POTEE: variants seen among roughly 807,000 people sequenced by gnomAD.
The protein encoded by POTEE is ANKRD26-like family C member 1A.
Under a neutral mutation model 74.2 loss-of-function variants are expected in POTEE, and 21 were observed. The ratio of observed to expected loss-of-function variants is 0.28; its 90% CI spans 0.20 to 0.41. The LOEUF (loss-of-function observed/expected upper bound fraction) is 0.41, where lower values mean the gene tolerates loss of function less well. POTEE is among the 10% of genes least tolerant of loss of function. The pLI, the probability that POTEE is intolerant of heterozygous loss-of-function variation, is 1.00. For missense variants in POTEE, 525 were observed against 1,158.6 expected, an observed-to-expected ratio of 0.45 and a Z score of 7.94; for synonymous variants, 211 against 432.8, an observed-to-expected ratio of 0.49 and a Z score of 6.36.
chr2:131,227,382 T>C (rs1361534014), intron 7 of POTEE, among the ~76,000 whole-genome samples: 1 of 148,398 alleles, frequency 6.7e-6, no homozygotes, highest in South Asian at 2.1e-4. Context: ...TAAGTTGCTT[T>C]CTTTGAAGAA....
intron 4 of POTEE, among the ~76,000 whole-genome samples, chr2:131,220,570 A>G (rs1232616164): frequency 1.3e-5 from 2 of 152,106 alleles, no homozygotes; most frequent in Non-Finnish European, 2.9e-5. Flanking sequence ...TTGCATATCT[A>G]CCAGTGACCT....
intron 9 of POTEE, among the ~76,000 whole-genome samples, 167 bp from the exon 10 acceptor site, chr2:131,236,565 T>G (rs1352680908): frequency 6.6e-6 from 1 of 151,654 alleles, no homozygotes; most frequent in Non-Finnish European, 1.5e-5. Context: ...TCTCCCCAAG[T>G]GGTTTGTTGA....
intron 4 of POTEE, among the ~76,000 whole-genome samples, chr2:131,220,601 C>T (rs893769629): frequency 1.1e-4 from 17 of 152,046 alleles, no homozygotes; most frequent in African/African-American, 3.9e-4. Context: ...GAAAAGATAG[C>T]GTTCCTGGTA....
intron 10 of POTEE, among the ~76,000 whole-genome samples, chr2:131,237,825 A>G (rs1472045961): frequency 1.3e-5 from 2 of 152,296 alleles, no homozygotes; most frequent in Non-Finnish European, 2.9e-5. Context: ...TTGGAACACT[A>G]CAAATCATCT....
Position 131,218,620 on chromosome 2 carries a change from G to C in POTEE, c.218G>C (p.Arg73Thr), listed in dbSNP as rs200372856. Residue 73 changes from arginine (R) to threonine (T), a missense_variant, in exon 4 of 18, where the codon AGG becomes ACG. Arg to Thr is a moderately conservative substitution (Grantham distance 71, BLOSUM62 -1). Coordinates refer to ENST00000683005, the MANE Select transcript of POTEE (RefSeq NM_001083538.3). ...TGCCACCACTGCTTCCCCTGCTGCA[G>C]GGGGAGTGGCAAGAGCAACGTGGGC... is the stretch of plus-strand genomic sequence containing the variant. ...KWCHHCFPCCRGSGKSNVGAS... is the reference protein window; with the variant it reads ...KWCHHCFPCCTGSGKSNVGAS... The C allele has an allele frequency of 4.5e-4, 729 of 1,612,032 alleles. 5 individuals carry two copies. In the African/African-American group the frequency reaches 8.7e-3, roughly 19 times the overall value.
intron 6 of POTEE, among the ~76,000 whole-genome samples, chr2:131,225,403 A>G (rs1700750755): frequency 6.6e-6 from 1 of 151,750 alleles, no homozygotes; most frequent in Non-Finnish European, 1.5e-5. Context: ...CAACGACAAC[A>G]ACAACAATTT....
intron 10 of POTEE, among the ~76,000 whole-genome samples, chr2:131,237,798 T>G (rs1288763642): frequency 1.3e-5 from 2 of 152,288 alleles, no homozygotes; most frequent in Non-Finnish European, 2.9e-5. Flanking sequence ...GTAAACTCTT[T>G]TCAAGTGAGG....
At chr2:131,222,799 T>C (rs1700663949) in intron 4 of POTEE, among the ~76,000 whole-genome samples, 1 of 152,130 alleles carries the variant, frequency 6.6e-6, no homozygotes, top group South Asian at 2.1e-4. Context: ...AGAAATTTGT[T>C]TTTGTTTTCA....
intron 12 of POTEE, among the ~76,000 whole-genome samples, chr2:131,243,868 A>T (rs1701307061): frequency 1.5e-4 from 1 of 6,738 alleles, no homozygotes; most frequent in South Asian, 0.01. Flanking sequence ...ACTCCGTCTC[A>T]AAAAAAAAAA....
At chr2:131,221,421 T>C (rs1573701115) in intron 4 of POTEE, among the ~76,000 whole-genome samples, 1 of 152,276 alleles carries the variant, frequency 6.6e-6, no homozygotes. Context: ...GTAGAAAATA[T>C]AATCAAACTT....
rs1435955430 is a variant in POTEE, at chr2:131,209,693, G to A, written c.-471G>A. Among the ~76,000 whole-genome samples, 2 of 152,276 alleles carry A rather than the reference G, an allele frequency of 1.3e-5. No homozygotes were observed. The highest frequency in any genetic ancestry group is 2.9e-5 in the Non-Finnish European group (2 of 68,052). ...CTTCTCCTGCCAGGCAGGAAGACGA[G>A]TAGAAGGGAGCAGCACCGACGCATG... On this transcript the variant is annotated 5_prime_UTR_variant, in exon 1 of 18. Coordinates refer to ENST00000683005, the MANE Select transcript of POTEE (RefSeq NM_001083538.3).
chr2:131,210,614 C>T (rs984583132), intron 1 of POTEE, among the ~76,000 whole-genome samples: 5 of 151,940 alleles, frequency 3.3e-5, no homozygotes, highest in African/African-American at 4.8e-5. Context: ...CCGGCCTGCA[C>T]CTCCCGCCCA....
In POTEE at chr2:131,218,197, G is replaced by A. The variant is rs910258913; in HGVS notation, c.-93-113G>A. The A allele has an allele frequency of 3.2e-6, 3 of 946,318 alleles. No individual in the cohort carries two copies. The African/African-American group carries it at 5.0e-5, about 16-fold the overall frequency. The allele number at this position is 946,318 out of a possible 1,614,324, so 58.6% of individuals were successfully genotyped here. A position where few individuals can be genotyped will look rare whatever the true frequency, so the allele number is the denominator to read the frequency against. On this transcript the variant is annotated intron_variant, in intron 3 of 17. Transcript: ENST00000683005. ...GTGGGCGTGGGGTCGCCCAGGGGGGGCGTGGGCTTTCCTCGGGTGGGTGTG... is the reference window on the plus strand; with the variant it reads ...GTGGGCGTGGGGTCGCCCAGGGGGGACGTGGGCTTTCCTCGGGTGGGTGTG...
At chr2:131,229,553 A>G (rs1282035873) in intron 8 of POTEE, 1 of 152,234 alleles carries the variant, frequency 6.6e-6, no homozygotes, top group Non-Finnish European at 1.5e-5. Context: ...TGGACTTCAC[A>G]GAGCCAAGCC....
intron 4 of POTEE, among the ~76,000 whole-genome samples, chr2:131,222,967 A>T (rs1476082773): frequency 6.6e-6 from 1 of 151,892 alleles, no homozygotes; most frequent in East Asian, 1.9e-4. Flanking sequence ...TCAATAAGAG[A>T]ATTATTTAAA....
At position 131,264,063 on chromosome 2, in the gene POTEE, G is replaced by C; in HGVS notation, c.2608G>C (p.Ala870Pro). Reference sequence around the variant, plus strand: ...CACTGTGCCCATCTATGAGGGGAATGCCCTCCCCCATGCCACCCTGCGCCT... The same window carrying C: ...CACTGTGCCCATCTATGAGGGGAATCCCCTCCCCCATGCCACCCTGCGCCT... ...THTVPIYEGN[A>P]LPHATLRLDL... Residue 870 changes from alanine (A) to proline (P), a missense_variant, in exon 18 of 18, where the codon GCC (alanine) becomes CCC (proline). By Grantham distance (27) the Ala-to-Pro change is conservative (BLOSUM62 -1). Coordinates refer to ENST00000683005, the MANE Select transcript of POTEE (RefSeq NM_001083538.3). 6.2e-7 allele frequency: 1 copy of C among 1,614,206 alleles called. No homozygotes were observed. Among genetic ancestry groups the C allele is most frequent in the Non-Finnish European group, 8.5e-7 (1 of 1,180,044 alleles).
intron 16 of POTEE, among the ~76,000 whole-genome samples, chr2:131,255,557 T>A (rs1314424126): frequency 1.5e-3 from 43 of 28,902 alleles, no homozygotes; most frequent in African/African-American, 5.0e-3. Context: ...TCAATCTTCT[T>A]TCTCATAGTT....
intron 2 of POTEE, among the ~76,000 whole-genome samples, chr2:131,216,484 G>T (rs1243428803): frequency 6.6e-6 from 1 of 151,720 alleles, no homozygotes; most frequent in African/African-American, 2.4e-5. Context: ...ATATGCTGCT[G>T]GTATAATTGG....
At chr2:131,224,520 A>G (rs1173786286) in intron 6 of POTEE, among the ~76,000 whole-genome samples, 1 of 147,244 alleles carries the variant, frequency 6.8e-6, no homozygotes, top group African/African-American at 2.5e-5. Context: ...CTGATTGCTC[A>G]TGAGCCAGAA....
Sources: gnomAD v4.1 joint callset for allele counts (sites outside exome capture counted in the v4.1 genomes callset) on GRCh38, gnomAD v4.1.1 for gene constraint, MANE v1.5 for transcripts, NCBI Gene and HGNC (gene_info 2026-07-23, HGNC 2026-07-21) for gene names.